Variants in ESRRG observed in about 807,000 individuals in gnomAD.
The protein encoded by ESRRG is estrogen-related receptor gamma.
A neutral mutation model predicts 44.0 loss-of-function variants in ESRRG; 13 were observed. The ratio of observed to expected loss-of-function variants is 0.30; its 90% CI spans 0.19 to 0.47. The LOEUF is 0.47. ESRRG is among the 20% of genes least tolerant of loss of function. The probability of loss-of-function intolerance (pLI) is 1.00; values close to 1 mark genes in which losing one functional copy is unlikely to be tolerated. For synonymous variants in ESRRG, 215 were observed against 214.6 expected (o/e 1.00, Z -0.02); for missense variants, 395 against 580.6 (o/e 0.68, Z 3.29).
chr1:216,579,614 T>C (rs1190048798), intron 3 of ESRRG, among the ~76,000 whole-genome samples: 1 of 152,144 alleles, frequency 6.6e-6, no homozygotes, highest in Non-Finnish European at 1.5e-5. Flanking sequence ...TTTGTATTTG[T>C]AACAAGTCAT....
chr1:217,029,242 A>C (rs2081671379), intron 1 of ESRRG, among the ~76,000 whole-genome samples: 1 of 152,214 alleles, frequency 6.6e-6, no homozygotes, highest in Non-Finnish European at 1.5e-5. Context: ...GGGGTAGTGT[A>C]AAAGCAGAGG....
intron 1 of ESRRG, chr1:216,707,398 G>A (rs2082667657): frequency 6.5e-7 from 1 of 1,535,832 alleles, no homozygotes; most frequent in African/African-American, 1.4e-5. Flanking sequence ...AGACTTGACT[G>A]CTCCAAGACC....
chr1:217,115,821 T>TC (rs2092718487), intron 1 of ESRRG, among the ~76,000 whole-genome samples: 1 of 152,132 alleles, frequency 6.6e-6, no homozygotes, highest in Non-Finnish European at 1.5e-5. Context: ...CTCATATTGC[T>TC]CACTAAGTAT....
intron 1 of ESRRG, among the ~76,000 whole-genome samples, chr1:217,036,591 C>T (rs1262763920): frequency 6.6e-6 from 1 of 152,154 alleles, no homozygotes; most frequent in Non-Finnish European, 1.5e-5. Flanking sequence ...CATACTCTCA[C>T]TTACAAGTGG....
intron 3 of ESRRG, among the ~76,000 whole-genome samples, chr1:216,648,224 A>G (rs1221490406): frequency 6.6e-6 from 1 of 152,192 alleles, no homozygotes; most frequent in African/African-American, 2.4e-5. Flanking sequence ...TGCAGGGTAC[A>G]ATGCAATATT....
chr1:217,129,100 A>T (rs1454287497), intron 1 of ESRRG, among the ~76,000 whole-genome samples: 1 of 152,226 alleles, frequency 6.6e-6, no homozygotes, highest in Non-Finnish European at 1.5e-5. Flanking sequence ...ATATCTTAGG[A>T]TTTAATATTC....
chr1:217,011,382 C>T (rs192999483), intron 1 of ESRRG, among the ~76,000 whole-genome samples: 1 of 152,300 alleles, frequency 6.6e-6, no homozygotes, highest in East Asian at 1.9e-4. Flanking sequence ...CCAAGGCTGG[C>T]CTTCCTTGGA....
chr1:216,672,017 A>T (rs1400676967), intron 2 of ESRRG, among the ~76,000 whole-genome samples: 1 of 148,754 alleles, frequency 6.7e-6, no homozygotes, highest in African/African-American at 2.5e-5. Context: ...AAAAAAAAAG[A>T]AAAGAAAAGA....
At chr1:216,631,311 A>G (rs2064138726) in intron 3 of ESRRG, among the ~76,000 whole-genome samples, 1 of 152,168 alleles carries the variant, frequency 6.6e-6, no homozygotes. Context: ...AAAATCTGTA[A>G]CCATGTTAGT....
chr1:216,515,696 G>A lies in ESRRG; in HGVS notation c.1132+3456C>T, dbSNP rs1280573110. Reference sequence around the variant, plus strand: ...AAAATGTTTATTCTTGAATGGATTGGACTCACCTGGCTTCAGGCTGGGGTG... The same window carrying A: ...AAAATGTTTATTCTTGAATGGATTGAACTCACCTGGCTTCAGGCTGGGGTG... On this transcript the variant is annotated intron_variant, in intron 6 of 6. Coordinates refer to ENST00000408911, the MANE Select transcript of ESRRG (RefSeq NM_001438.4). Among the ~76,000 whole-genome samples the A allele has an allele frequency of 6.6e-5, 10 of 152,074 alleles. No homozygotes were observed. The East Asian group carries it at 1.9e-3, about 29-fold the overall frequency.
intron 1 of ESRRG, among the ~76,000 whole-genome samples, chr1:217,089,187 A>G (rs1189139358): frequency 6.6e-6 from 1 of 151,934 alleles, no homozygotes; most frequent in Non-Finnish European, 1.5e-5. Flanking sequence ...TTTACCAAGC[A>G]CTGAAGTCTC....
In ESRRG at chr1:216,536,553, T is replaced by A. The variant is rs2051023607; in HGVS notation, c.863-17132A>T. 2.0e-5 allele frequency among the ~76,000 whole-genome samples: 3 copies of A among 152,128 alleles called. No homozygotes were observed. The South Asian group carries it at 6.2e-4, about 31-fold the overall frequency. ...TTATGATTTCCCTGACTCAAGTCTCTTTTCTTCTAGATCTGTATTAATCAG... is the reference window on the plus strand; with the variant it reads ...TTATGATTTCCCTGACTCAAGTCTCATTTCTTCTAGATCTGTATTAATCAG... On this transcript the variant is annotated intron_variant, in intron 5 of 6. Coordinates refer to ENST00000408911, the MANE Select transcript of ESRRG (RefSeq NM_001438.4).
chr1:216,730,144 G>A (rs1322706801), intron 2 of ESRRG, among the ~76,000 whole-genome samples: 1 of 151,946 alleles, frequency 6.6e-6, no homozygotes, highest in African/African-American at 2.4e-5. Flanking sequence ...CAATGTTAGT[G>A]TCACAATTGT....
chr1:216,748,808 A>G (rs887908898), intron 2 of ESRRG, among the ~76,000 whole-genome samples: 3 of 152,146 alleles, frequency 2.0e-5, no homozygotes, highest in African/African-American at 7.2e-5. Context: ...ATCTGAGTGC[A>G]GTGGTTGTCT....
chr1:216,950,549 A>T (rs1454282636), intron 1 of ESRRG, among the ~76,000 whole-genome samples: 3 of 152,218 alleles, frequency 2.0e-5, no homozygotes, highest in African/African-American at 7.2e-5. Flanking sequence ...AGCATCCACC[A>T]TATAGTAGTG....
chr1:216,855,942 A>G (rs1238341822), intron 2 of ESRRG, among the ~76,000 whole-genome samples: 9 of 152,144 alleles, frequency 5.9e-5, no homozygotes, highest in African/African-American at 2.2e-4. Context: ...CTGAATAATG[A>G]TGAGGTGCTT....
At chr1:216,660,747 T>C (rs996981958) in intron 2 of ESRRG, among the ~76,000 whole-genome samples, 3 of 152,252 alleles carry the variant, frequency 2.0e-5, no homozygotes, top group South Asian at 2.1e-4. Flanking sequence ...GTCAGACTTA[T>C]GGTGTAAGGG....
chr1:216,966,270 T>C (rs1266644748), intron 1 of ESRRG, among the ~76,000 whole-genome samples: 1 of 152,150 alleles, frequency 6.6e-6, no homozygotes, highest in East Asian at 1.9e-4. Context: ...TGTTGGAGTA[T>C]AACGTGTCAA....
chr1:217,085,410 A>G (rs565732225), intron 1 of ESRRG, among the ~76,000 whole-genome samples: 1 of 148,772 alleles, frequency 6.7e-6, no homozygotes, highest in African/African-American at 2.5e-5. Context: ...CGTATTATAG[A>G]TTAGGTTCAA....
Sources: allele counts gnomAD v4.1 joint callset (sites outside exome capture counted in the v4.1 genomes callset), GRCh38; gene constraint gnomAD v4.1.1; transcripts MANE v1.5; gene names NCBI Gene and HGNC (gene_info 2026-07-23, HGNC 2026-07-21).